Variants in PCDH15 observed in about 807,000 individuals in gnomAD.
PCDH15 encodes protocadherin-15.
A neutral mutation model predicts 178.5 loss-of-function variants in PCDH15; 129 were observed. That is an observed-to-expected ratio of 0.72 (90% CI 0.63 to 0.84). The LOEUF is 0.84. Among genes scored for constraint, PCDH15 ranks in the 40% least tolerant of loss-of-function variants. The probability of loss-of-function intolerance (pLI) is 0.00; values close to 1 mark genes in which losing one functional copy is unlikely to be tolerated. For synonymous variants in PCDH15, 800 were observed against 732.0 expected (o/e 1.09, Z -1.50); for missense variants, 2,230 against 2,099.9 (o/e 1.06, Z -1.21).
At chr10:54,086,397 C>T (rs1487714923) in intron 16 of PCDH15, among the ~76,000 whole-genome samples, 1 of 152,152 alleles carries the variant, frequency 6.6e-6, no homozygotes, top group Non-Finnish European at 1.5e-5. Context: ...CATTAGGCCC[C>T]ATCTCCAACA....
At chr10:54,681,405 T>A (rs375748400) in intron 1 of PCDH15, among the ~76,000 whole-genome samples, 8 of 152,050 alleles carry the variant, frequency 5.3e-5, no homozygotes, top group Non-Finnish European at 1.0e-4. Context: ...AAATCAGGAC[T>A]TGCAAATATT....
chr10:54,190,815 T>A (rs996291161), intron 11 of PCDH15, among the ~76,000 whole-genome samples: 5 of 152,216 alleles, frequency 3.3e-5, no homozygotes, highest in Non-Finnish European at 5.9e-5. Flanking sequence ...TGAACTAATT[T>A]ACTTTATAAA....
intron 21 of PCDH15, among the ~76,000 whole-genome samples, chr10:53,991,855 T>C (rs2134815954): frequency 6.6e-6 from 1 of 151,882 alleles, no homozygotes; most frequent in Admixed American, 6.5e-5. Flanking sequence ...CTCTGTAAAA[T>C]GGACCAATCA....
intron 10 of PCDH15, among the ~76,000 whole-genome samples, chr10:54,207,683 A>G (rs1317214322): frequency 6.6e-6 from 1 of 152,034 alleles, no homozygotes; most frequent in Non-Finnish European, 1.5e-5. Flanking sequence ...ACTGTAGCAG[A>G]AAACCTGAAG....
chr10:55,359,901 A>G (rs1050794771), intron 2 of PCDH15, among the ~76,000 whole-genome samples: 18 of 151,790 alleles, frequency 1.2e-4, no homozygotes, highest in African/African-American at 3.9e-4. Flanking sequence ...AAAGACAAAT[A>G]GCTCAGGACT....
intron 5 of PCDH15, among the ~76,000 whole-genome samples, chr10:54,347,396 C>T (rs1278175489): frequency 2.6e-5 from 4 of 152,228 alleles, no homozygotes; most frequent in African/African-American, 9.6e-5. Flanking sequence ...GCATTTTGCA[C>T]TTTGTTCCTA....
At chr10:55,002,752 C>T (rs1357125233) in intron 2 of PCDH15, among the ~76,000 whole-genome samples, 3 of 152,096 alleles carry the variant, frequency 2.0e-5, no homozygotes, top group Non-Finnish European at 4.4e-5. Flanking sequence ...AAGAAGTGGG[C>T]ATGTGAGATT....
At chr10:54,011,869 C>CA (rs2135169270) in intron 20 of PCDH15, among the ~76,000 whole-genome samples, 1 of 152,208 alleles carries the variant, frequency 6.6e-6, no homozygotes, top group Non-Finnish European at 1.5e-5. Context: ...TTTGGCAACT[C>CA]AAAAAACAAG....
intron 2 of PCDH15, among the ~76,000 whole-genome samples, chr10:54,962,151 C>T (rs1336872478): frequency 6.6e-6 from 1 of 152,232 alleles, no homozygotes; most frequent in Non-Finnish European, 1.5e-5. Flanking sequence ...CTTGCCTGGG[C>T]AGCTCGTTGA....
intron 2 of PCDH15, among the ~76,000 whole-genome samples, chr10:55,131,994 C>T (rs1401697587): frequency 6.6e-6 from 1 of 152,120 alleles, no homozygotes; most frequent in Non-Finnish European, 1.5e-5. Flanking sequence ...ACCCATTGTC[C>T]ACAGCACCCA....
At chr10:54,655,294 GAGAGAGAGAC>G (rs1210203637) in intron 2 of PCDH15, among the ~76,000 whole-genome samples, 464 of 122,228 alleles carry the variant, frequency 3.8e-3, no homozygotes, top group Non-Finnish European at 5.7e-3. Flanking sequence ...GAGAGAGAGA[GAGAGAGAGAC>G]AGAGAGAGAG....
intron 3 of PCDH15, among the ~76,000 whole-genome samples, chr10:54,420,190 T>C (rs1469245375): frequency 6.6e-6 from 1 of 152,064 alleles, no homozygotes; most frequent in Non-Finnish European, 1.5e-5. Flanking sequence ...TATATTTAAA[T>C]TGTTAATATG....
At chr10:55,506,538 T>G (rs1840762904) in intron 2 of PCDH15, among the ~76,000 whole-genome samples, 1 of 151,548 alleles carries the variant, frequency 6.6e-6, no homozygotes, top group South Asian at 2.1e-4. Context: ...GGTTCACAAC[T>G]GAACCATTTC....
At chr10:55,530,566 A>T (rs1190463817) in intron 2 of PCDH15, among the ~76,000 whole-genome samples, 1 of 151,928 alleles carries the variant, frequency 6.6e-6, no homozygotes, top group East Asian at 1.9e-4. Context: ...ATTCTTTTTT[A>T]CATTGTTATA....
chr10:54,017,540 A>G (rs2092780085), intron 20 of PCDH15, among the ~76,000 whole-genome samples: 1 of 152,186 alleles, frequency 6.6e-6, no homozygotes, highest in Non-Finnish European at 1.5e-5. Context: ...ATTCAGGAGC[A>G]TAAAACCAAA....
At chr10:55,619,709 G>T (rs376259980) in intron 2 of PCDH15, among the ~76,000 whole-genome samples, 1 of 151,854 alleles carries the variant, frequency 6.6e-6, no homozygotes, top group Non-Finnish European at 1.5e-5. Flanking sequence ...GCTATTTTGA[G>T]CATATTTGAA....
chr10:53,847,671 G>A (rs2078065374), intron 28 of PCDH15, among the ~76,000 whole-genome samples: 1 of 151,994 alleles, frequency 6.6e-6, no homozygotes, highest in South Asian at 2.1e-4. Flanking sequence ...TGTTTAGCTT[G>A]TTTGCTTCTT....
chr10:54,186,881 T>G (rs2133832471), intron 11 of PCDH15, among the ~76,000 whole-genome samples: 1 of 152,148 alleles, frequency 6.6e-6, no homozygotes, highest in East Asian at 1.9e-4. Context: ...CATATGTCTA[T>G]TCTGAATGAT....
chr10:55,215,526 T>C (rs866522190), intron 1 of PCDH15, among the ~76,000 whole-genome samples: 26 of 152,206 alleles, frequency 1.7e-4, no homozygotes, highest in Middle Eastern at 6.8e-3. Flanking sequence ...AAGCAACTTG[T>C]ATGTAATGAA....
Sources: allele counts gnomAD v4.1 joint callset (sites outside exome capture counted in the v4.1 genomes callset), GRCh38; gene constraint gnomAD v4.1.1; transcripts MANE v1.5; gene names NCBI Gene and HGNC (gene_info 2026-07-23, HGNC 2026-07-21).